MEIS3: variants seen among roughly 807,000 people sequenced by gnomAD.
MEIS3 encodes the protein homeobox protein Meis3.
MEIS3 carries 38 observed loss-of-function variants against 51.4 expected under a neutral mutation model. The observed-to-expected ratio is 0.74, with a 90% CI of 0.57 to 0.97. The LOEUF is 0.97. MEIS3 is among the 50% of genes least tolerant of loss of function. The pLI is 0.00. For synonymous variants in MEIS3, 198 were observed against 201.8 expected (o/e 0.98, Z 0.16); for missense variants, 456 against 502.6 (o/e 0.91, Z 0.89).
chr19:47,420,910 T>TCA (rs796578167), upstream of MEIS3, among the ~76,000 whole-genome samples: 67 of 70,774 alleles, frequency 9.5e-4, no homozygotes, highest in African/African-American at 2.3e-3. Context: ...TCTCTCTCTC[T>TCA]CACACACACA....
Position 47,417,355 on chromosome 19 carries a change from G to C in MEIS3, c.13-5C>G, listed in dbSNP as rs1215942998. 4 of 1,613,064 alleles carry C rather than the reference G, an allele frequency of 2.5e-6. No homozygotes were observed. The highest frequency in any genetic ancestry group is 3.4e-6 in the Non-Finnish European group (4 of 1,179,682). ...GTAGTGCGGCAGCTCATCATACTGG[G>C]GGAAGGTGAGAAGAGAAGGGCGGAG... is the stretch of plus-strand genomic sequence containing the variant. On this transcript the variant is annotated splice_region_variant and splice_polypyrimidine_tract_variant and intron_variant, in intron 1 of 12. Transcript: ENST00000558555.
intron 8 of MEIS3, among the ~76,000 whole-genome samples, chr19:47,407,883 C>A (rs1970928372): frequency 6.6e-6 from 1 of 152,234 alleles, no homozygotes; most frequent in Non-Finnish European, 1.5e-5. Context: ...TCTCTGCTCA[C>A]CGCAAACTCC....
intron 8 of MEIS3, chr19:47,407,701 T>C: frequency 2.1e-6 from 1 of 479,112 alleles, no homozygotes; most frequent in Non-Finnish European, 3.3e-6. Context: ...GGGAGGGGGC[T>C]CCTGTGGCGT....
upstream of MEIS3, among the ~76,000 whole-genome samples, chr19:47,420,463 G>A (rs1021013345): frequency 6.7e-6 from 1 of 149,792 alleles, no homozygotes; most frequent in African/African-American, 2.5e-5. Flanking sequence ...GGGCACCTGG[G>A]ATGGGGATGG....
rs745383964 is a variant in MEIS3, at chr19:47,416,606, G to C, written c.396+46C>G. 2.1e-6 allele frequency: 3 copies of C among 1,435,424 alleles called. No homozygotes were observed. In the South Asian group the frequency reaches 4.0e-5, roughly 19 times the overall value. 88.9% of individuals were successfully genotyped at this position (1,435,424 alleles called of 1,614,324 possible). A position where few individuals can be genotyped will look rare whatever the true frequency, so the allele number is the denominator to read the frequency against. On this transcript the variant is annotated intron_variant, in intron 4 of 12. Coordinates refer to ENST00000558555, the MANE Select transcript of MEIS3 (RefSeq NM_001301059.2). ...ACCCCAGGGATGGGGCGTCAGGGAA[G>C]GAGACCCATTGGAGGAGGGGGTGTG... is the stretch of plus-strand genomic sequence containing the variant.
chr19:47,407,228 G>C, intron 9 of MEIS3, 91 bp from the exon 10 acceptor site: 1 of 1,493,560 alleles, frequency 6.7e-7, no homozygotes, highest in Non-Finnish European at 9.0e-7. Context: ...GGACAGCGGC[G>C]GGGGAGGCAG....
intron 1 of MEIS3, chr19:47,418,471 C>T (rs1158419395): frequency 6.5e-6 from 1 of 152,694 alleles, no homozygotes; most frequent in Non-Finnish European, 1.5e-5. Context: ...GCCTCCTCCC[C>T]TGTCTTCTAT....
upstream of MEIS3, among the ~76,000 whole-genome samples, chr19:47,421,907 C>G (rs535246344): frequency 1.9e-4 from 29 of 151,650 alleles, no homozygotes; most frequent in Middle Eastern, 3.4e-3. Flanking sequence ...CCTGTCCCCC[C>G]CACCGTATCC....
At position 47,409,264 on chromosome 19, in the gene MEIS3, A is replaced by G; in HGVS notation, c.710-17T>C. 1 of 1,602,352 alleles carries G rather than the reference A, an allele frequency of 6.2e-7. No individual in the cohort carries two copies. The highest frequency in any genetic ancestry group is 8.5e-7 in the Non-Finnish European group (1 of 1,175,058). The stretch of plus-strand genomic sequence containing the variant: ...GCCCGTCTCCTGAGGGAAGGCAGGC[A>G]TGCTGTGTGTGTGGGTAGTGAAGAG... On this transcript the variant is annotated splice_polypyrimidine_tract_variant and intron_variant, in intron 7 of 12. Transcript: ENST00000558555.
At chr19:47,412,053 C>T (rs58012220) in intron 6 of MEIS3, among the ~76,000 whole-genome samples, 15,039 of 152,028 alleles carry the variant, frequency 0.099, 819 homozygotes, top group South Asian at 0.2. Context: ...AGACTGCTCT[C>T]GAACTCCTGG....
At chr19:47,414,154 C>G (rs1971275179) in intron 6 of MEIS3, among the ~76,000 whole-genome samples, 1 of 151,340 alleles carries the variant, frequency 6.6e-6, no homozygotes. Flanking sequence ...TGCAGCCCGA[C>G]TGTGATGTGG....
In MEIS3 at chr19:47,419,093, G is replaced by A. The variant is rs963842795; in HGVS notation, c.-12C>T. ...ACCCTCCGGGCCATGGGCTGAGGCCGGCGGCAGCTCCTGGGTCCCTCCAGA... is the reference window on the plus strand; with the variant it reads ...ACCCTCCGGGCCATGGGCTGAGGCCAGCGGCAGCTCCTGGGTCCCTCCAGA... On this transcript the variant is annotated 5_prime_UTR_variant, in exon 1 of 13. Transcript: ENST00000558555. The A allele has an allele frequency of 1.6e-6, 2 of 1,243,456 alleles. No homozygotes were observed. Among genetic ancestry groups the A allele is most frequent in the African/African-American group, 1.6e-5 (1 of 64,424 alleles). 77.0% of individuals were successfully genotyped at this position (1,243,456 alleles called of 1,614,324 possible).
chr19:47,416,810 G>A lies in MEIS3; in HGVS notation c.339C>T (p.Ala113=). ...GTGGGTGGGAGGTGCCCACCTGCTT[G>A]GCAAAGGCAGCGATGTCCTCGTTGA... ...DSFNEDIAAF[A]KQVRSERPLF... is the part of the protein sequence containing the mutation. The change falls in exon 3 of 13, where the codon GCC becomes GCT. Residue 113 remains alanine (A), a synonymous_variant. Transcript: ENST00000558555. 6.2e-7 allele frequency: 1 copy of A among 1,613,586 alleles called. No homozygotes were observed. The highest frequency in any genetic ancestry group is 8.5e-7 in the Non-Finnish European group (1 of 1,179,796).
Position 47,419,129 on chromosome 19 carries a change from GGGGGAGGGCGCA to G in MEIS3, c.-60_-49del. On this transcript the variant is annotated 5_prime_UTR_variant, in exon 1 of 13. Transcript: ENST00000558555. ...CTGGGTCCCTCCAGAGCCTGGCCGC[GGGGGAGGGCGCA>G]GCCCGGGGCCGCAGCCCCTGACGGC... The G allele has an allele frequency of 2.4e-6, 3 of 1,225,774 alleles. No homozygotes were observed. The Admixed American group carries it at 1.3e-4, about 52-fold the overall frequency. 75.9% of individuals were successfully genotyped at this position (1,225,774 alleles called of 1,614,324 possible).
rs994670193 is a variant in MEIS3, at chr19:47,419,215, C to T, written c.-134G>A. ...GGGCAGGAGGCCAGGCGCGCGCCCC[C>T]CCACCCCCGCCGCCGTCAGCGGCAG... On this transcript the variant is annotated 5_prime_UTR_variant, in exon 1 of 13. Coordinates refer to ENST00000558555, the MANE Select transcript of MEIS3 (RefSeq NM_001301059.2). 2 of 528,330 alleles carry T rather than the reference C, an allele frequency of 3.8e-6. No homozygotes were observed. The highest frequency in any genetic ancestry group is 2.8e-6 in the Non-Finnish European group (1 of 355,850). The allele number at this position is 528,330 out of a possible 1,614,324, so 32.7% of individuals were successfully genotyped here.
At chr19:47,420,940 A>ACACACTCTCTCTCTCTCTCTCT (rs1187725467), upstream of MEIS3, among the ~76,000 whole-genome samples, 4 of 90,972 alleles carry the variant, frequency 4.4e-5, no homozygotes, top group Admixed American at 1.1e-4. Context: ...ACACACACAC[A>ACACACTCTCTCTCTCTCTCTCT]CTCTCTCTCT....
At chr19:47,415,575 T>C (rs1299124474) in intron 4 of MEIS3, among the ~76,000 whole-genome samples, 2 of 143,390 alleles carry the variant, frequency 1.4e-5, no homozygotes, top group East Asian at 2.0e-4. Flanking sequence ...CTCTCTCTCT[T>C]TTTTTTTTTT....
intron 4 of MEIS3, chr19:47,416,046 A>G (rs917943250): frequency 6.6e-6 from 1 of 152,476 alleles, no homozygotes; most frequent in African/African-American, 2.4e-5. Context: ...CCACAGGTGC[A>G]TGCCACCACA....
At chr19:47,420,940 A>ACACTCTCT (rs1187725467), upstream of MEIS3, among the ~76,000 whole-genome samples, 367 of 90,936 alleles carry the variant, frequency 4.0e-3, 1 homozygote, top group African/African-American at 0.01. Flanking sequence ...ACACACACAC[A>ACACTCTCT]CTCTCTCTCT....
Sources: allele counts gnomAD v4.1 joint callset (sites outside exome capture counted in the v4.1 genomes callset), GRCh38; gene constraint gnomAD v4.1.1; transcripts MANE v1.5; gene names NCBI Gene and HGNC (gene_info 2026-07-23, HGNC 2026-07-21).